Variants in CEMIP observed in about 807,000 individuals in gnomAD.
CEMIP encodes cell migration-inducing and hyaluronan-binding protein.
CEMIP carries 105 observed loss-of-function variants against 156.9 expected under a neutral mutation model. The observed-to-expected ratio is 0.67, with a 90% CI of 0.57 to 0.79. The LOEUF (loss-of-function observed/expected upper bound fraction) is 0.79. Ranked by LOEUF, CEMIP falls within the 30% of genes least tolerant of loss-of-function variation. The pLI, the probability that CEMIP is intolerant of heterozygous loss-of-function variation, is 0.00. For synonymous variants in CEMIP, 676 were observed against 668.4 expected, an observed-to-expected ratio of 1.01 and a Z score of -0.17; for missense variants, 1,457 against 1,769.4, an observed-to-expected ratio of 0.82 and a Z score of 3.17.
chr15:80,912,753 C>T (rs1900117079), intron 14 of CEMIP, among the ~76,000 whole-genome samples: 1 of 152,188 alleles, frequency 6.6e-6, no homozygotes, highest in Non-Finnish European at 1.5e-5. Flanking sequence ...TTTCCACATT[C>T]GGAGATGCTG....
At chr15:80,920,945 C>CA in intron 15 of CEMIP, 87 bp from the exon 16 acceptor site, 1 of 1,049,558 alleles carries the variant, frequency 9.5e-7, no homozygotes, top group Admixed American at 1.8e-5. Flanking sequence ...AGGCCAATAT[C>CA]AGAGTGCCCA....
intron 1 of CEMIP, among the ~76,000 whole-genome samples, chr15:80,825,033 C>T (rs939240725): frequency 3.3e-5 from 5 of 152,140 alleles, no homozygotes; most frequent in Non-Finnish European, 7.4e-5. Flanking sequence ...CCTTTGATCT[C>T]CATTTGGGTC....
At chr15:80,799,505 A>G (rs982950258) in intron 1 of CEMIP, among the ~76,000 whole-genome samples, 1 of 152,240 alleles carries the variant, frequency 6.6e-6, no homozygotes, top group Non-Finnish European at 1.5e-5. Context: ...AGAGCTTATG[A>G]AAGGTTTATT....
At chr15:80,870,928 C>T (rs1192063566) in intron 1 of CEMIP, among the ~76,000 whole-genome samples, 1 of 152,174 alleles carries the variant, frequency 6.6e-6, no homozygotes, top group African/African-American at 2.4e-5. Flanking sequence ...AGGCCTCTAA[C>T]CCAGTGAGGA....
intron 1 of CEMIP, among the ~76,000 whole-genome samples, chr15:80,852,202 C>T (rs1022553968): frequency 3.3e-5 from 5 of 152,110 alleles, no homozygotes; most frequent in African/African-American, 1.2e-4. Flanking sequence ...ATAACTGGGA[C>T]CCTGGAACAG....
chr15:80,933,350 G>C lies in CEMIP; in HGVS notation c.2899G>C (p.Glu967Gln). 6.2e-7 allele frequency: 1 copy of C among 1,614,148 alleles called. No homozygotes were observed. The highest frequency in any genetic ancestry group is 8.5e-7 in the Non-Finnish European group (1 of 1,180,020). Residue 967 changes from glutamate (E) to glutamine (Q), a missense_variant, in exon 23 of 30, where the codon GAG becomes CAG. Transcript: ENST00000394685. ...CCATGACGTCGACGGCTCCGTGTCC[G>C]AGTACCCTGGCTCCTACCTCACGAA... ...VFHDVDGSVS[E>Q]YPGSYLTKND...
chr15:80,900,502 C>A (rs1434790981), intron 12 of CEMIP, among the ~76,000 whole-genome samples: 1 of 152,040 alleles, frequency 6.6e-6, no homozygotes, highest in African/African-American at 2.4e-5. Context: ...GAGCAGCCAC[C>A]TCCTTTGCCC....
chr15:80,947,778 T>C (rs1901625939), intron 29 of CEMIP: 1 of 152,540 alleles, frequency 6.6e-6, no homozygotes. Context: ...ATGTTATAAT[T>C]ATCTCACTTA....
intron 5 of CEMIP, 78 bp downstream of exon 5, chr15:80,879,932 G>A (rs761783110): frequency 5.9e-6 from 9 of 1,519,594 alleles, no homozygotes; most frequent in African/African-American, 1.4e-5. Flanking sequence ...AGAGAGAGAG[G>A]CAAGAGGGCA....
intron 1 of CEMIP, among the ~76,000 whole-genome samples, chr15:80,811,552 T>C (rs920376245): frequency 6.6e-6 from 1 of 152,180 alleles, no homozygotes; most frequent in Admixed American, 6.5e-5. Flanking sequence ...GTGAGCCTGA[T>C]TTATTTTATT....
At chr15:80,883,133 C>T (rs1411212646) in intron 6 of CEMIP, among the ~76,000 whole-genome samples, 3 of 152,134 alleles carry the variant, frequency 2.0e-5, no homozygotes, top group Non-Finnish European at 1.5e-5. Context: ...GATTACTTTC[C>T]CAGATTCATT....
At chr15:80,875,037 T>G (rs1360095609) in intron 3 of CEMIP, among the ~76,000 whole-genome samples, 1 of 137,990 alleles carries the variant, frequency 7.2e-6, no homozygotes, top group Non-Finnish European at 1.6e-5. Flanking sequence ...TTTTTTTTTT[T>G]TTTTTTTTTT....
intron 1 of CEMIP, among the ~76,000 whole-genome samples, chr15:80,782,622 T>C (rs1317388030): frequency 3.3e-5 from 5 of 152,140 alleles, no homozygotes; most frequent in African/African-American, 1.2e-4. Context: ...TGTGTGTGTG[T>C]GCGTGCATGT....
At chr15:80,854,272 C>A (rs1897788136) in intron 1 of CEMIP, among the ~76,000 whole-genome samples, 1 of 152,284 alleles carries the variant, frequency 6.6e-6, no homozygotes, top group African/African-American at 2.4e-5. Flanking sequence ...TGGGCCACAG[C>A]TCAGCTCTGC....
intron 1 of CEMIP, among the ~76,000 whole-genome samples, chr15:80,813,498 G>A (rs933607448): frequency 5.9e-5 from 9 of 151,884 alleles, no homozygotes; most frequent in African/African-American, 2.2e-4. Flanking sequence ...TACAGGTGCT[G>A]CCACACCCAG....
In CEMIP at chr15:80,829,408, C is replaced by T. The variant is rs140696757; in HGVS notation, c.-175-44130C>T. ...CTGCCACCCTTAGCTCCCTGTCACA[C>T]GGTTCCTCATTAGCTCCTGCTGTCT... On this transcript the variant is annotated intron_variant, in intron 1 of 29. Transcript: ENST00000394685. Among the ~76,000 whole-genome samples, 170 of 152,326 alleles carry T rather than the reference C, an allele frequency of 1.1e-3. 1 individual carries two copies. The highest frequency in any genetic ancestry group is 3.4e-3 in the Middle Eastern group (1 of 294).
intron 1 of CEMIP, among the ~76,000 whole-genome samples, chr15:80,822,876 T>C (rs1156944868): frequency 3.3e-5 from 5 of 152,138 alleles, no homozygotes; most frequent in Non-Finnish European, 7.4e-5. Flanking sequence ...ACCTCCTCAC[T>C]CTTGAGCTTT....
At chr15:80,900,648 G>GTGTGTGTGTGTGTGTC (rs1567090991) in intron 12 of CEMIP, among the ~76,000 whole-genome samples, 4 of 111,922 alleles carry the variant, frequency 3.6e-5, no homozygotes, top group African/African-American at 1.3e-4. Context: ...GTGTGTGTGT[G>GTGTGTGTGTGTGTGTC]TCTGTGTGTG....
At chr15:80,899,882 G>C (rs778432483) in intron 12 of CEMIP, among the ~76,000 whole-genome samples, 2 of 152,250 alleles carry the variant, frequency 1.3e-5, no homozygotes, top group Non-Finnish European at 2.9e-5. Context: ...TGGGAGGTCA[G>C]ATGTCCCCCT....
Sources: gnomAD v4.1 joint callset for allele counts (sites outside exome capture counted in the v4.1 genomes callset) on GRCh38, gnomAD v4.1.1 for gene constraint, MANE v1.5 for transcripts, NCBI Gene and HGNC (gene_info 2026-07-23, HGNC 2026-07-21) for gene names.